The following ROBO1 variants were observed in gnomAD, a reference collection of about 807,000 sequenced individuals.
The protein encoded by ROBO1 is roundabout homolog 1.
In ROBO1, 149 loss-of-function variants were observed where a neutral mutation model predicts 195.9. That is an observed-to-expected ratio of 0.76 (90% CI 0.67 to 0.87). ROBO1 has a LOEUF of 0.87. Among genes scored for constraint, ROBO1 ranks in the 40% least tolerant of loss-of-function variants. The probability of loss-of-function intolerance (pLI) is 0.00; values close to 1 mark genes in which losing one functional copy is unlikely to be tolerated. For synonymous variants in ROBO1, 816 were observed against 733.2 expected (o/e 1.11, Z -1.82); for missense variants, 1,933 against 2,068.3 (o/e 0.93, Z 1.27).
intron 1 of ROBO1, among the ~76,000 whole-genome samples, chr3:79,724,455 T>G (rs1702829463): frequency 6.6e-6 from 1 of 152,192 alleles, no homozygotes; most frequent in South Asian, 2.1e-4. Context: ...ACGGCAACGT[T>G]GAAGGGGATG....
At position 79,432,449 on chromosome 3, in the gene ROBO1, A is replaced by G. The variant is rs540888921; in HGVS notation, c.88+157375T>C. ...TTCAAACCCAAACAAAGATCAAACTATCTTGTTAATAGGTTTCTATGTTGA... is the reference window on the plus strand; with the variant it reads ...TTCAAACCCAAACAAAGATCAAACTGTCTTGTTAATAGGTTTCTATGTTGA... On this transcript the variant is annotated intron_variant, in intron 2 of 30. Transcript: ENST00000464233. Among the ~76,000 whole-genome samples, 65 of 152,304 alleles carry G rather than the reference A, an allele frequency of 4.3e-4. 4 individuals are homozygous for G. The South Asian group carries it at 0.013, about 32-fold the overall frequency.
intron 2 of ROBO1, among the ~76,000 whole-genome samples, chr3:79,313,108 A>G (rs902699341): frequency 3.3e-5 from 5 of 151,366 alleles, no homozygotes; most frequent in African/African-American, 1.2e-4. Context: ...AATGGTGTGA[A>G]CTCAGGAGGC....
intron 2 of ROBO1, among the ~76,000 whole-genome samples, chr3:79,319,683 A>T (rs2033891473): frequency 6.6e-6 from 1 of 152,154 alleles, no homozygotes; most frequent in Non-Finnish European, 1.5e-5. Context: ...ATTAAAAATG[A>T]CTTAAATGTA....
chr3:79,719,016 T>G (rs1458775627), intron 1 of ROBO1, among the ~76,000 whole-genome samples: 1 of 152,032 alleles, frequency 6.6e-6, no homozygotes, highest in Non-Finnish European at 1.5e-5. Flanking sequence ...TAAATAAGAA[T>G]GTCTTGCTGA....
chr3:79,690,495 C>T (rs1178608685), intron 1 of ROBO1, among the ~76,000 whole-genome samples: 1 of 151,914 alleles, frequency 6.6e-6, no homozygotes, highest in East Asian at 1.9e-4. Context: ...CCCCTAGAGC[C>T]CACAGATAAG....
chr3:78,933,584 A>G (rs902200741), intron 4 of ROBO1, among the ~76,000 whole-genome samples: 3 of 152,108 alleles, frequency 2.0e-5, no homozygotes, highest in Middle Eastern at 3.4e-3. Context: ...TTATTTTCTG[A>G]TTTTTATTTT....
intron 10 of ROBO1, among the ~76,000 whole-genome samples, chr3:78,671,105 G>A (rs1263284195): frequency 6.6e-6 from 1 of 152,004 alleles, no homozygotes; most frequent in East Asian, 1.9e-4. Context: ...ATAACAACGA[G>A]AGGCAATTTT....
chr3:78,951,193 C>A (rs1438092824), intron 3 of ROBO1, among the ~76,000 whole-genome samples: 3 of 151,706 alleles, frequency 2.0e-5, no homozygotes, highest in Non-Finnish European at 4.4e-5. Flanking sequence ...TGAAAGCCTC[C>A]AAGTCCCAGA....
intron 2 of ROBO1, among the ~76,000 whole-genome samples, chr3:79,412,523 G>A (rs2037813453): frequency 6.6e-6 from 1 of 152,044 alleles, no homozygotes; most frequent in Non-Finnish European, 1.5e-5. Flanking sequence ...TGGTTGTTAA[G>A]GAAAGAAAAA....
intron 1 of ROBO1, among the ~76,000 whole-genome samples, chr3:79,669,463 G>C (rs949059001): frequency 2.0e-5 from 3 of 151,788 alleles, no homozygotes; most frequent in African/African-American, 7.3e-5. Flanking sequence ...CTTATGTTTA[G>C]ATATGTTTAG....
At chr3:78,800,484 C>T (rs1324876551) in intron 4 of ROBO1, among the ~76,000 whole-genome samples, 1 of 152,166 alleles carries the variant, frequency 6.6e-6, no homozygotes, top group Non-Finnish European at 1.5e-5. Context: ...GACTTACCCT[C>T]ACCCGTAATA....
At chr3:78,751,144 A>T (rs947594795) in intron 4 of ROBO1, among the ~76,000 whole-genome samples, 1 of 152,160 alleles carries the variant, frequency 6.6e-6, no homozygotes, top group Non-Finnish European at 1.5e-5. Context: ...CTCATTGTGA[A>T]TATTTGTGAA....
At chr3:79,537,451 A>G (rs9852990) in intron 2 of ROBO1, among the ~76,000 whole-genome samples, 86,847 of 151,824 alleles carry the variant, frequency 0.57, 24,961 homozygotes, top group Non-Finnish European at 0.6. Context: ...CAAAGATTCT[A>G]TGGAATTTCT....
At chr3:79,385,277 T>C (rs939734413) in intron 2 of ROBO1, among the ~76,000 whole-genome samples, 1 of 152,172 alleles carries the variant, frequency 6.6e-6, no homozygotes, top group Non-Finnish European at 1.5e-5. Context: ...TTTCTGTATA[T>C]ATCTAATCCT....
intron 3 of ROBO1, among the ~76,000 whole-genome samples, chr3:78,946,181 G>C (rs1332082924): frequency 1.3e-5 from 2 of 152,080 alleles, no homozygotes; most frequent in Non-Finnish European, 2.9e-5. Flanking sequence ...ACACCACAAA[G>C]ATACTCCTCG....
intron 2 of ROBO1, among the ~76,000 whole-genome samples, chr3:79,438,912 T>G (rs2038969282): frequency 6.6e-6 from 1 of 152,042 alleles, no homozygotes; most frequent in East Asian, 1.9e-4. Flanking sequence ...CTAGCAGCTG[T>G]TTGCTAATAT....
chr3:78,652,865 G>A (rs867489373), intron 18 of ROBO1, among the ~76,000 whole-genome samples: 1 of 150,904 alleles, frequency 6.6e-6, no homozygotes, highest in Non-Finnish European at 1.5e-5. Context: ...CCACACAAGG[G>A]GCCTGCAAAG....
At chr3:79,091,212 T>A (rs2079474485) in intron 3 of ROBO1, among the ~76,000 whole-genome samples, 1 of 152,154 alleles carries the variant, frequency 6.6e-6, no homozygotes, top group Non-Finnish European at 1.5e-5. Flanking sequence ...TATAACTTTT[T>A]AAAAAATTGT....
intron 2 of ROBO1, among the ~76,000 whole-genome samples, chr3:79,258,647 C>T (rs1221960246): frequency 6.6e-6 from 1 of 152,106 alleles, no homozygotes; most frequent in African/African-American, 2.4e-5. Flanking sequence ...TTAATCACCA[C>T]CTTGGCCTGA....
Sources: allele counts gnomAD v4.1 joint callset (sites outside exome capture counted in the v4.1 genomes callset), GRCh38; gene constraint gnomAD v4.1.1; transcripts MANE v1.5; gene names NCBI Gene and HGNC (gene_info 2026-07-23, HGNC 2026-07-21).